The following LRRC28 variants were observed in gnomAD, a reference collection of about 807,000 sequenced individuals.
LRRC28 encodes the protein leucine rich repeat containing 28, also known as leucine-rich repeat-containing protein 28.
In LRRC28, 39 loss-of-function variants were observed where a neutral mutation model predicts 45.7. The observed-to-expected ratio is 0.85, with a 90% CI of 0.66 to 1.12. LRRC28 has a LOEUF of 1.12. LRRC28 is among the 50% of genes most tolerant of loss of function. The pLI is 0.00. For synonymous variants in LRRC28, 206 were observed against 178.8 expected, an observed-to-expected ratio of 1.15 and a Z score of -1.22; for missense variants, 435 against 438.5, an observed-to-expected ratio of 0.99 and a Z score of 0.07.
intron 5 of LRRC28, among the ~76,000 whole-genome samples, chr15:99,331,034 C>T (rs1956143619): frequency 6.6e-6 from 1 of 152,046 alleles, no homozygotes; most frequent in Admixed American, 6.6e-5. Flanking sequence ...TTTTATCAAG[C>T]TTCTTAAGTC....
At chr15:99,296,420 C>T (rs971864773) in intron 5 of LRRC28, among the ~76,000 whole-genome samples, 2 of 152,156 alleles carry the variant, frequency 1.3e-5, no homozygotes, top group South Asian at 4.1e-4. Context: ...GCTCTTCACC[C>T]CACGTTACCC....
At chr15:99,364,455 G>A (rs1359161547) in intron 9 of LRRC28, among the ~76,000 whole-genome samples, 1 of 151,984 alleles carries the variant, frequency 6.6e-6, no homozygotes, top group Non-Finnish European at 1.5e-5. Flanking sequence ...CTGCTTACAG[G>A]AGCCCTCCTC....
intron 2 of LRRC28, among the ~76,000 whole-genome samples, chr15:99,264,384 C>T (rs1016876673): frequency 6.6e-6 from 1 of 152,004 alleles, no homozygotes; most frequent in Admixed American, 6.5e-5. Flanking sequence ...TCAGCAAAAG[C>T]GGGGAGTGGG....
intron 9 of LRRC28, among the ~76,000 whole-genome samples, chr15:99,371,694 G>A (rs970884850): frequency 5.9e-5 from 9 of 152,038 alleles, no homozygotes; most frequent in East Asian, 1.9e-4. Flanking sequence ...AAGCCTATTC[G>A]TTGGCACCCT....
intron 9 of LRRC28, among the ~76,000 whole-genome samples, chr15:99,382,414 G>A (rs1289535269): frequency 6.6e-6 from 1 of 152,200 alleles, no homozygotes; most frequent in Admixed American, 6.5e-5. Flanking sequence ...CTCACACTGG[G>A]AGCTGTAGAC....
intron 2 of LRRC28, among the ~76,000 whole-genome samples, chr15:99,261,348 C>T (rs2081192402): frequency 6.6e-6 from 1 of 152,200 alleles, no homozygotes; most frequent in South Asian, 2.1e-4. Flanking sequence ...TGCTTTGGTT[C>T]ATTCATGCTG....
chr15:99,253,886 G>T (rs1432359475), intron 1 of LRRC28, among the ~76,000 whole-genome samples: 1 of 152,226 alleles, frequency 6.6e-6, no homozygotes, highest in South Asian at 2.1e-4. Flanking sequence ...TAGATTGGAG[G>T]TGGTCAGAAT....
intron 9 of LRRC28, among the ~76,000 whole-genome samples, chr15:99,384,021 G>A (rs578189542): frequency 2.0e-5 from 3 of 152,114 alleles, no homozygotes; most frequent in African/African-American, 7.2e-5. Flanking sequence ...GTTTCCATGC[G>A]TGCCCTCCAG....
intron 2 of LRRC28, among the ~76,000 whole-genome samples, chr15:99,268,276 A>G (rs1349670406): frequency 6.6e-6 from 1 of 152,190 alleles, no homozygotes; most frequent in Admixed American, 6.5e-5. Context: ...TAATAGAAAT[A>G]TTTTTAAACA....
At chr15:99,316,942 A>G (rs570486405) in intron 5 of LRRC28, among the ~76,000 whole-genome samples, 167 of 151,636 alleles carry the variant, frequency 1.1e-3, no homozygotes, top group African/African-American at 3.6e-3. Flanking sequence ...GGCTCCAGCA[A>G]TCCTTCTCCT....
At chr15:99,371,792 A>G (rs1446356409) in intron 9 of LRRC28, among the ~76,000 whole-genome samples, 2 of 152,184 alleles carry the variant, frequency 1.3e-5, no homozygotes, top group Non-Finnish European at 2.9e-5. Context: ...CCTCCTTACA[A>G]CATTCAAAAA....
chr15:99,296,833 G>A (rs1691964270), intron 5 of LRRC28, among the ~76,000 whole-genome samples: 2 of 152,166 alleles, frequency 1.3e-5, no homozygotes, highest in African/African-American at 2.4e-5. Flanking sequence ...ACTGCATGTA[G>A]TACTTGCAAA....
chr15:99,258,258 C>T, intron 2 of LRRC28: 1 of 1,571,670 alleles, frequency 6.4e-7, no homozygotes, highest in Admixed American at 1.7e-5. Context: ...ATTGTCACTT[C>T]AAAACACAAC....
At chr15:99,372,313 G>A (rs1361218726) in intron 9 of LRRC28, among the ~76,000 whole-genome samples, 1 of 152,158 alleles carries the variant, frequency 6.6e-6, no homozygotes, top group African/African-American at 2.4e-5. Context: ...TGCCTTGCCT[G>A]TAAATATGCT....
Position 99,378,447 on chromosome 15 carries a change from G to A in LRRC28, c.1032-7583G>A, listed in dbSNP as rs534181346. ...GCTTAAGGAGATTTTGGGCTGAGAC[G>A]ATGGGGTTTTCTAAATATACAATCA... On this transcript the variant is annotated intron_variant, in intron 9 of 9. Transcript: ENST00000301981. 4.8e-4 allele frequency among the ~76,000 whole-genome samples: 73 copies of A among 152,264 alleles called. 1 individual carries two copies. Among genetic ancestry groups the A allele is most frequent in the Non-Finnish European group, 8.1e-4 (55 of 68,014 alleles).
chr15:99,309,678 A>G (rs1211513518), intron 5 of LRRC28, among the ~76,000 whole-genome samples: 1 of 152,200 alleles, frequency 6.6e-6, no homozygotes, highest in Non-Finnish European at 1.5e-5. Flanking sequence ...AAGTGCTGGG[A>G]TTACAGGTGT....
chr15:99,289,304 G>C (rs2082045510), intron 5 of LRRC28, among the ~76,000 whole-genome samples: 1 of 152,124 alleles, frequency 6.6e-6, no homozygotes, highest in Non-Finnish European at 1.5e-5. Context: ...GAAAGTTACT[G>C]TGTATTCAAG....
chr15:99,336,504 G>T (rs1181875866), intron 6 of LRRC28, among the ~76,000 whole-genome samples: 1 of 152,178 alleles, frequency 6.6e-6, no homozygotes, highest in Non-Finnish European at 1.5e-5. Flanking sequence ...GCCGTTTCCA[G>T]TGTCAAAGTT....
At chr15:99,295,646 A>G (rs1332579377) in intron 5 of LRRC28, among the ~76,000 whole-genome samples, 3 of 152,248 alleles carry the variant, frequency 2.0e-5, no homozygotes, top group African/African-American at 4.8e-5. Flanking sequence ...GTCAGAAAAG[A>G]TGTTGCTTAC....
Sources: allele counts gnomAD v4.1 joint callset (sites outside exome capture counted in the v4.1 genomes callset), GRCh38; gene constraint gnomAD v4.1.1; transcripts MANE v1.5; gene names NCBI Gene and HGNC (gene_info 2026-07-23, HGNC 2026-07-21).